Variants in MGRN1 observed in about 807,000 individuals in gnomAD.
The protein encoded by MGRN1 is E3 ubiquitin-protein ligase MGRN1.
A neutral mutation model predicts 69.2 loss-of-function variants in MGRN1; 29 were observed. The observed-to-expected ratio is 0.42, with a 90% CI of 0.31 to 0.57. The LOEUF is 0.57. Among genes scored for constraint, MGRN1 ranks in the 20% least tolerant of loss-of-function variants. The pLI is 0.15. For synonymous variants in MGRN1, 470 were observed against 344.2 expected (o/e 1.37, Z -4.04); for missense variants, 998 against 796.2 (o/e 1.25, Z -3.05).
intron 1 of MGRN1, chr16:4,633,964 T>G (rs1167760552): frequency 1.3e-5 from 2 of 152,278 alleles, no homozygotes; most frequent in East Asian, 3.9e-4. Flanking sequence ...TGATAAAAAT[T>G]TTTTTAAAAA....
At chr16:4,625,875 T>C (rs530023422) in intron 1 of MGRN1, among the ~76,000 whole-genome samples, 2 of 152,306 alleles carry the variant, frequency 1.3e-5, no homozygotes, top group East Asian at 1.9e-4. Flanking sequence ...GAGAGAGAAC[T>C]TGGGCATCAT....
intron 1 of MGRN1, among the ~76,000 whole-genome samples, chr16:4,633,346 G>A (rs1257771812): frequency 1.3e-5 from 2 of 150,600 alleles, no homozygotes; most frequent in East Asian, 2.0e-4. Context: ...CTGAGATCAC[G>A]CCACTGCATT....
At chr16:4,660,730 G>T (rs571816220) in intron 5 of MGRN1, among the ~76,000 whole-genome samples, 1 of 152,358 alleles carries the variant, frequency 6.6e-6, no homozygotes, top group East Asian at 1.9e-4. Context: ...TGGCAGCAGT[G>T]TGGGAGCGTT....
chr16:4,649,468 G>C (rs1357679888), intron 1 of MGRN1: 1 of 152,204 alleles, frequency 6.6e-6, no homozygotes, highest in Non-Finnish European at 1.5e-5. Flanking sequence ...TGGGGCCCCA[G>C]GCACTCATTG....
At position 4,668,145 on chromosome 16, in the gene MGRN1, T is replaced by G. The variant is rs547106268; in HGVS notation, c.679-120T>G. The G allele has an allele frequency of 5.9e-6, 4 of 677,006 alleles. No individual in the cohort carries two copies. In the East Asian group the frequency reaches 1.1e-4, roughly 19 times the overall value. 41.9% of individuals were successfully genotyped at this position (677,006 alleles called of 1,614,324 possible). A position where few individuals can be genotyped will look rare whatever the true frequency, so the allele number is the denominator to read the frequency against. On this transcript the variant is annotated intron_variant, in intron 7 of 16. Coordinates refer to ENST00000262370, the MANE Select transcript of MGRN1 (RefSeq NM_015246.4). ...CACCCTTTTTTTTTTTTTTCTTTTT[T>G]CTTTTTCCAGCTGTGGGCATGGATT...
At chr16:4,683,984 C>G in intron 16 of MGRN1, 52 bp downstream of exon 16, 1 of 1,483,522 alleles carries the variant, frequency 6.7e-7, no homozygotes, top group East Asian at 2.5e-5. Flanking sequence ...TCTTAGTCCC[C>G]AGGGAGGGGG....
intron 9 of MGRN1, among the ~76,000 whole-genome samples, 167 bp from the exon 10 acceptor site, chr16:4,673,331 G>A (rs1231541768): frequency 2.0e-5 from 3 of 152,082 alleles, no homozygotes; most frequent in Non-Finnish European, 4.4e-5. Flanking sequence ...CTGGATTTGA[G>A]CCTGGTGATT....
rs76698706 is a variant in MGRN1 at position 4,656,502 on chromosome 16, C to T, written c.444-744C>T. 3.1e-3 allele frequency among the ~76,000 whole-genome samples: 479 copies of T among 152,314 alleles called. 3 individuals are homozygous for T. Among genetic ancestry groups the T allele is most frequent in the Non-Finnish European group, 5.1e-3 (350 of 68,030 alleles). On this transcript the variant is annotated intron_variant, in intron 4 of 16. Coordinates refer to ENST00000262370, the MANE Select transcript of MGRN1 (RefSeq NM_015246.4). ...AGTGATCTGTGGGTCTCTGCTGGGGCGGACAGCAGGCCTCTGGGAGCAGGC... is the reference window on the plus strand; with the variant it reads ...AGTGATCTGTGGGTCTCTGCTGGGGTGGACAGCAGGCCTCTGGGAGCAGGC...
chr16:4,676,658 G>A (rs1372940868), intron 10 of MGRN1, among the ~76,000 whole-genome samples: 1 of 152,176 alleles, frequency 6.6e-6, no homozygotes, highest in East Asian at 1.9e-4. Context: ...GAGGTGGCTG[G>A]TTTGGTGGTT....
chr16:4,627,907 C>T (rs977063183), intron 1 of MGRN1, among the ~76,000 whole-genome samples: 5 of 150,428 alleles, frequency 3.3e-5, no homozygotes, highest in African/African-American at 1.2e-4. Context: ...CGTGAAACCC[C>T]ATCTCTACCA....
At chr16:4,631,443 G>A (rs1468151739) in intron 1 of MGRN1, among the ~76,000 whole-genome samples, 1 of 152,198 alleles carries the variant, frequency 6.6e-6, no homozygotes, top group Non-Finnish European at 1.5e-5. Flanking sequence ...GGGCATTTTT[G>A]CCCTCTCAAG....
chr16:4,674,320 G>A lies in MGRN1; in HGVS notation c.955+663G>A, dbSNP rs147691742. Among the ~76,000 whole-genome samples, 8 of 151,808 alleles carry A rather than the reference G, an allele frequency of 5.3e-5. No individual in the cohort carries two copies. The East Asian group carries it at 1.4e-3, about 26-fold the overall frequency. Reference sequence around the variant, plus strand: ...TTTTATTTTTTTGAGATAGAGTCTCGCTCTGTCACCCAGGCTGGAGTGCAG... The same window carrying A: ...TTTTATTTTTTTGAGATAGAGTCTCACTCTGTCACCCAGGCTGGAGTGCAG... On this transcript the variant is annotated intron_variant, in intron 10 of 16. Transcript: ENST00000262370.
At chr16:4,686,344 C>T (rs774541954) in intron 16 of MGRN1, 42 of 1,539,310 alleles carry the variant, frequency 2.7e-5, no homozygotes, top group East Asian at 2.4e-4. Flanking sequence ...CTCTGACGCG[C>T]GTCCTTGGAG....
chr16:4,649,266 C>G (rs2078348959), intron 1 of MGRN1: 1 of 152,294 alleles, frequency 6.6e-6, no homozygotes, highest in Non-Finnish European at 1.5e-5. Context: ...GGTAAGGTGA[C>G]TTAGCCTGGG....
At chr16:4,673,068 G>C (rs2078975411) in intron 9 of MGRN1, among the ~76,000 whole-genome samples, 1 of 152,104 alleles carries the variant, frequency 6.6e-6, no homozygotes, top group African/African-American at 2.4e-5. Context: ...TCGATCTCCT[G>C]ACCTCGTGAT....
Position 4,683,862 on chromosome 16 carries a change from T to C in MGRN1, c.1548T>C (p.Ile516=). The C allele has an allele frequency of 1.9e-6, 3 of 1,612,014 alleles. No individual in the cohort carries two copies. The highest frequency in any genetic ancestry group is 1.7e-6 in the Non-Finnish European group (2 of 1,179,538). The change falls in exon 16 of 17, where the codon ATT becomes ATC. Residue 516 remains isoleucine (I), a synonymous_variant. Transcript: ENST00000262370. ...CTGCAGGGACCCGAGCAGCTTCCATTGAGAATGTCCTGCAGGACAGCAGCC... is the reference window on the plus strand; with the variant it reads ...CTGCAGGGACCCGAGCAGCTTCCATCGAGAATGTCCTGCAGGACAGCAGCC... ...SPQQGTRAAS[I]ENVLQDSSPE...
At chr16:4,670,369 A>C (rs955328295) in intron 8 of MGRN1, among the ~76,000 whole-genome samples, 1 of 152,192 alleles carries the variant, frequency 6.6e-6, no homozygotes, top group Non-Finnish European at 1.5e-5. Context: ...CAGCATCCCG[A>C]GTAGCTGGGA....
intron 16 of MGRN1, among the ~76,000 whole-genome samples, chr16:4,684,565 C>T (rs1005810822): frequency 3.3e-5 from 5 of 152,352 alleles, no homozygotes; most frequent in South Asian, 2.1e-4. Flanking sequence ...CAGGCGCCAG[C>T]GGGGAACAGC....
intron 13 of MGRN1, 111 bp downstream of exon 13, chr16:4,681,887 C>G: frequency 9.0e-7 from 1 of 1,116,962 alleles, no homozygotes; most frequent in Non-Finnish European, 1.2e-6. Context: ...TGGCGATTCC[C>G]CAGAAGGACT....
Sources: gnomAD v4.1 joint callset for allele counts (sites outside exome capture counted in the v4.1 genomes callset) on GRCh38, gnomAD v4.1.1 for gene constraint, MANE v1.5 for transcripts, NCBI Gene and HGNC (gene_info 2026-07-23, HGNC 2026-07-21) for gene names.